Variants in BNC2 observed in about 807,000 individuals in gnomAD.
BNC2 encodes the protein basonuclin zinc finger protein 2.
Under a neutral mutation model 76.3 loss-of-function variants are expected in BNC2, and 20 were observed. That is an observed-to-expected ratio of 0.26 (90% confidence interval 0.18 to 0.38). The LOEUF is 0.38. Ranked by LOEUF, BNC2 falls within the 10% of genes least tolerant of loss-of-function variation. BNC2 has a pLI of 1.00. For synonymous variants in BNC2, 582 were observed against 514.8 expected, an observed-to-expected ratio of 1.13 and a Z score of -1.77; for missense variants, 1,382 against 1,399.8, an observed-to-expected ratio of 0.99 and a Z score of 0.20.
intron 1 of BNC2, among the ~76,000 whole-genome samples, chr9:16,744,137 T>G (rs1243237174): frequency 6.6e-6 from 1 of 152,048 alleles, no homozygotes; most frequent in Admixed American, 6.5e-5. Flanking sequence ...CGGCTAATTT[T>G]TTTTTGTATT....
chr9:16,710,934 T>C (rs1297368687), intron 3 of BNC2, among the ~76,000 whole-genome samples: 1 of 152,170 alleles, frequency 6.6e-6, no homozygotes, highest in East Asian at 1.9e-4. Context: ...TATGGTCAAG[T>C]CCTTAATTGG....
At chr9:16,759,067 A>T (rs909793271) in intron 1 of BNC2, among the ~76,000 whole-genome samples, 1 of 152,226 alleles carries the variant, frequency 6.6e-6, no homozygotes, top group African/African-American at 2.4e-5. Flanking sequence ...AAAGTAGGTT[A>T]TAACACTTAA....
intron 1 of BNC2, among the ~76,000 whole-genome samples, chr9:16,767,642 T>C (rs1825733964): frequency 6.6e-6 from 1 of 152,178 alleles, no homozygotes; most frequent in African/African-American, 2.4e-5. Context: ...ATATTATCTA[T>C]AGACAGTGTA....
chr9:16,545,876 A>T (rs890392105), intron 5 of BNC2, among the ~76,000 whole-genome samples: 12 of 152,210 alleles, frequency 7.9e-5, no homozygotes, highest in African/African-American at 2.9e-4. Context: ...ATAAAACAGC[A>T]ATAGCCCTAA....
chr9:16,457,698 C>T (rs754724139), intron 5 of BNC2, among the ~76,000 whole-genome samples: 4 of 152,050 alleles, frequency 2.6e-5, no homozygotes, highest in African/African-American at 7.2e-5. Flanking sequence ...AGCGCGTGTT[C>T]GGCATAAAGC....
Position 16,849,492 on chromosome 9 carries a change from G to A in BNC2, c.3+21154C>T, listed in dbSNP as rs537003449. Among the ~76,000 whole-genome samples, 10 of 150,958 alleles carry A rather than the reference G, an allele frequency of 6.6e-5. No homozygotes were observed. The East Asian group carries it at 1.8e-3, about 27-fold the overall frequency. ...TCCTGCCTCAGCCCCCAAAGTAGCT[G>A]AGATTACAGGCGCATGCCACCACGC... On this transcript the variant is annotated intron_variant, in intron 1 of 6. Transcript: ENST00000380672.
chr9:16,691,755 C>T (rs1455883117), intron 3 of BNC2, among the ~76,000 whole-genome samples: 8 of 151,586 alleles, frequency 5.3e-5, no homozygotes, highest in African/African-American at 1.2e-4. Context: ...ATGATATGCC[C>T]GCCTCGGCCT....
At chr9:16,815,855 C>T (rs1318291383) in intron 1 of BNC2, among the ~76,000 whole-genome samples, 1 of 152,110 alleles carries the variant, frequency 6.6e-6, no homozygotes, top group African/African-American at 2.4e-5. Context: ...CTATGCCTTA[C>T]ATTCTTCGAC....
chr9:16,764,945 AAAG>A (rs971182021), intron 1 of BNC2, among the ~76,000 whole-genome samples: 16 of 152,144 alleles, frequency 1.1e-4, no homozygotes, highest in Admixed American at 9.2e-4. Flanking sequence ...AAGGAAGAAA[AAAG>A]AAGGAGAGAG....
intron 5 of BNC2, among the ~76,000 whole-genome samples, chr9:16,519,429 G>A (rs1014449680): frequency 3.9e-5 from 6 of 152,148 alleles, no homozygotes; most frequent in South Asian, 2.1e-4. Context: ...TAACCTCTTC[G>A]GATGTAGAGA....
In BNC2 at chr9:16,725,343, CTTAAG is replaced by C. The variant is rs371182199; in HGVS notation, c.330+2449_330+2453del. On this transcript the variant is annotated intron_variant, in intron 3 of 6. Transcript: ENST00000380672. ...CATACTTTCACTCACATAGTTTGAA[CTTAAG>C]TTATGTAATATTTATACAAACTAAA... is the stretch of plus-strand genomic sequence containing the variant. Among the ~76,000 whole-genome samples, 829 of 151,788 alleles carry C rather than the reference CTTAAG, an allele frequency of 5.5e-3. 4 individuals carry two copies. Among genetic ancestry groups the C allele is most frequent in the African/African-American group, 0.019 (783 of 41,364 alleles).
intron 5 of BNC2, among the ~76,000 whole-genome samples, chr9:16,448,580 G>C (rs1177957333): frequency 1.3e-5 from 2 of 152,118 alleles, no homozygotes; most frequent in African/African-American, 4.8e-5. Context: ...ATATTCATTA[G>C]GATGTGAGGG....
At chr9:16,632,591 A>G (rs889150102) in intron 3 of BNC2, among the ~76,000 whole-genome samples, 1 of 152,208 alleles carries the variant, frequency 6.6e-6, no homozygotes, top group Non-Finnish European at 1.5e-5. Flanking sequence ...TAGAAAACTT[A>G]TTCTCTTGAT....
At chr9:16,623,243 GA>G (rs1820911287) in intron 3 of BNC2, among the ~76,000 whole-genome samples, 1 of 152,138 alleles carries the variant, frequency 6.6e-6, no homozygotes, top group South Asian at 2.1e-4. Flanking sequence ...ACCAGAGATT[GA>G]AAGTGCGGCA....
chr9:16,452,322 G>A (rs981223899), intron 5 of BNC2, among the ~76,000 whole-genome samples: 9 of 152,090 alleles, frequency 5.9e-5, no homozygotes, highest in Non-Finnish European at 8.8e-5. Flanking sequence ...CTGCAACACT[G>A]TCTCTCATAT....
intron 5 of BNC2, among the ~76,000 whole-genome samples, chr9:16,492,378 C>G (rs972267780): frequency 2.6e-5 from 4 of 152,166 alleles, no homozygotes; most frequent in African/African-American, 9.7e-5. Flanking sequence ...AAGGCCTTGG[C>G]TAATCTCAAA....
chr9:16,637,161 T>C (rs893732773), intron 3 of BNC2, among the ~76,000 whole-genome samples: 4 of 152,118 alleles, frequency 2.6e-5, no homozygotes, highest in Non-Finnish European at 5.9e-5. Context: ...TCAAAGGGTA[T>C]AGAATTAATT....
chr9:16,609,153 G>A (rs368227437), intron 3 of BNC2, among the ~76,000 whole-genome samples: 9 of 152,016 alleles, frequency 5.9e-5, no homozygotes, highest in Admixed American at 2.6e-4. Flanking sequence ...GGGACCTTTC[G>A]GAGCCACTTT....
At chr9:16,544,114 T>C (rs1334181891) in intron 5 of BNC2, among the ~76,000 whole-genome samples, 1 of 152,164 alleles carries the variant, frequency 6.6e-6, no homozygotes, top group African/African-American at 2.4e-5. Context: ...ATGTCAATTT[T>C]CTGGGTGATC....
Sources: allele counts gnomAD v4.1 joint callset (sites outside exome capture counted in the v4.1 genomes callset), GRCh38; gene constraint gnomAD v4.1.1; transcripts MANE v1.5; gene names NCBI Gene and HGNC (gene_info 2026-07-23, HGNC 2026-07-21).